The following IRAK1BP1 variants were observed in gnomAD, a reference collection of about 807,000 sequenced individuals.
IRAK1BP1 encodes interleukin 1 receptor associated kinase 1 binding protein 1.
Under a neutral mutation model 28.0 loss-of-function variants are expected in IRAK1BP1, and 24 were observed. That is an observed-to-expected ratio of 0.86 (90% CI 0.62 to 1.20). IRAK1BP1 has a LOEUF of 1.20. IRAK1BP1 is among the 50% of genes most tolerant of loss of function. The pLI is 0.00. For missense variants in IRAK1BP1, 336 were observed against 316.7 expected (o/e 1.06, Z -0.46); for synonymous variants, 131 against 116.3 (o/e 1.13, Z -0.81).
chr6:78,871,507 G>A (rs930557204), intron 1 of IRAK1BP1: 19 of 985,320 alleles, frequency 1.9e-5, no homozygotes, highest in South Asian at 4.7e-5. Flanking sequence ...AACAGCAGAC[G>A]AGAACTTACC....
At chr6:78,904,132 A>G (rs1039448100), downstream of IRAK1BP1, among the ~76,000 whole-genome samples, 4 of 152,232 alleles carry the variant, frequency 2.6e-5, no homozygotes, top group Admixed American at 6.5e-5. Flanking sequence ...TGGGAAATGC[A>G]GGACACATAT....
chr6:78,961,835 A>G, the IRAK1BP1 span: 2 of 1,563,828 alleles, frequency 1.3e-6, no homozygotes, highest in South Asian at 2.4e-5. Flanking sequence ...TAAGTTTGTA[A>G]ATTTATTTTT....
intron 4 of IRAK1BP1, among the ~76,000 whole-genome samples, chr6:78,911,366 A>T (rs2127661774): frequency 6.6e-6 from 1 of 152,216 alleles, no homozygotes; most frequent in South Asian, 2.1e-4. Context: ...GCACCTCAAG[A>T]TCCGATCCCT....
the IRAK1BP1 span, among the ~76,000 whole-genome samples, chr6:78,975,530 T>G: frequency 6.6e-6 from 1 of 152,074 alleles, no homozygotes; most frequent in African/African-American, 2.4e-5. Context: ...CCAGGGCAAT[T>G]AGGCAGGAGA....
chr6:78,977,561 A>G, the IRAK1BP1 span, among the ~76,000 whole-genome samples: 1 of 147,900 alleles, frequency 6.8e-6, no homozygotes, highest in South Asian at 2.3e-4. Context: ...GGAACTTTAA[A>G]TGATGGAATA....
In IRAK1BP1 at chr6:78,932,418, T is replaced by C. The variant is rs1324610975; in HGVS notation, c.*68-12990T>C. 1.3e-4 allele frequency among the ~76,000 whole-genome samples: 16 copies of C among 124,666 alleles called. No homozygotes were observed. The East Asian group carries it at 3.3e-3, about 25-fold the overall frequency. 81.8% of individuals were successfully genotyped at this position (124,666 alleles called of 152,430 possible). A position where few individuals can be genotyped will look rare whatever the true frequency, so the allele number is the denominator to read the frequency against. On this transcript the variant is annotated intron_variant and NMD_transcript_variant, in intron 4 of 4. Transcript: ENST00000606868. ...ACAACATGTATTTCTTTTCTTTCTT[T>C]TTCTTTTTTTTTTTTTTTTTGAGAT... is the stretch of plus-strand genomic sequence containing the variant.
At chr6:78,978,560 G>A in the IRAK1BP1 span, 1 of 1,537,304 alleles carries the variant, frequency 6.5e-7, no homozygotes, top group Non-Finnish European at 8.8e-7. Context: ...ACTATGTGAG[G>A]AAAAATGGAT....
the IRAK1BP1 span, among the ~76,000 whole-genome samples, chr6:78,971,966 T>A: frequency 6.6e-6 from 1 of 152,126 alleles, no homozygotes; most frequent in Non-Finnish European, 1.5e-5. Flanking sequence ...CGCCCACCAT[T>A]GCCCAGGCTT....
chr6:78,965,688 C>G, the IRAK1BP1 span: 2 of 1,446,066 alleles, frequency 1.4e-6, no homozygotes, highest in Non-Finnish European at 1.9e-6. Context: ...AACAAAAAGC[C>G]TAACACACAC....
the IRAK1BP1 span, chr6:78,963,042 T>G: frequency 2.2e-5 from 33 of 1,480,928 alleles, no homozygotes; most frequent in Non-Finnish European, 2.9e-5. Context: ...ACAGTATTTT[T>G]CCATTACTTT....
chr6:78,946,504 G>T, downstream of IRAK1BP1: 1 of 1,393,110 alleles, frequency 7.2e-7, no homozygotes, highest in Non-Finnish European at 9.3e-7. Flanking sequence ...CTGTTTTACT[G>T]TATAGATTTA....
intron 1 of IRAK1BP1, among the ~76,000 whole-genome samples, chr6:78,879,835 CAGA>C (rs1403804306): frequency 6.6e-6 from 1 of 152,114 alleles, no homozygotes; most frequent in African/African-American, 2.4e-5. Context: ...TGTGCTGCAA[CAGA>C]AGGACTCAGT....
At chr6:78,936,233 T>C (rs183683588) in intron 4 of IRAK1BP1, 3 of 152,098 alleles carry the variant, frequency 2.0e-5, no homozygotes, top group African/African-American at 7.2e-5. Context: ...ATAAGCATAA[T>C]CTTAATTTGA....
chr6:78,955,609 A>G, the IRAK1BP1 span: 1 of 888,272 alleles, frequency 1.1e-6, no homozygotes, highest in Admixed American at 2.0e-5. Flanking sequence ...GAAATATTAC[A>G]TACCTCAGAA....
intron 1 of IRAK1BP1, chr6:78,871,548 C>T (rs1770791739): frequency 1.0e-6 from 1 of 984,436 alleles, no homozygotes; most frequent in African/African-American, 1.7e-5. Context: ...GCATATAGTT[C>T]TTGCAATGGA....
At chr6:78,934,712 A>C (rs1773198643) in intron 4 of IRAK1BP1, among the ~76,000 whole-genome samples, 2 of 152,240 alleles carry the variant, frequency 1.3e-5, no homozygotes, top group Admixed American at 6.5e-5. Flanking sequence ...GAACAGAATT[A>C]GACCTCACAG....
intron 1 of IRAK1BP1, among the ~76,000 whole-genome samples, chr6:78,882,822 A>C (rs956110233): frequency 2.0e-5 from 3 of 152,194 alleles, no homozygotes; most frequent in Admixed American, 6.5e-5. Flanking sequence ...ATGGTAATCT[A>C]CTAATGTTGG....
rs760301172 is a variant in IRAK1BP1, at chr6:78,867,819, A to C, written c.243A>C (p.Ala81=). 3.1e-6 allele frequency: 5 copies of C among 1,612,822 alleles called. No homozygotes were observed. In the South Asian group the frequency reaches 5.5e-5, roughly 18 times the overall value. Residue 81 remains alanine, a synonymous_variant, in exon 1 of 4, where the codon GCA becomes GCC. Transcript: ENST00000369940. ...VVRVSSTKEA[A]AEAKKSVCRR... is the part of the protein sequence containing the mutation. Reference sequence around the variant, plus strand: ...GAGTGAGCAGCACCAAGGAGGCGGCAGCCGAGGCCAAAAAGAGCGTTTGTC... The same window carrying C: ...GAGTGAGCAGCACCAAGGAGGCGGCCGCCGAGGCCAAAAAGAGCGTTTGTC...
At chr6:78,873,753 G>A (rs150899894) in intron 1 of IRAK1BP1, among the ~76,000 whole-genome samples, 2 of 152,264 alleles carry the variant, frequency 1.3e-5, no homozygotes, top group African/African-American at 4.8e-5. Flanking sequence ...TGCCAGGCAT[G>A]AGCCACCACA....
Sources: allele counts gnomAD v4.1 joint callset (sites outside exome capture counted in the v4.1 genomes callset), GRCh38; gene constraint gnomAD v4.1.1; transcripts MANE v1.5; gene names NCBI Gene and HGNC (gene_info 2026-07-23, HGNC 2026-07-21).